CDH18: variants seen among roughly 807,000 people sequenced by gnomAD.
CDH18 encodes cadherin-18.
A neutral mutation model predicts 67.9 loss-of-function variants in CDH18; 31 were observed. The observed-to-expected ratio is 0.46, with a 90% confidence interval of 0.34 to 0.62. The LOEUF is 0.62. Among genes scored for constraint, CDH18 ranks in the 20% least tolerant of loss-of-function variants. The pLI, the probability that CDH18 is intolerant of heterozygous loss-of-function variation, is 0.01. For synonymous variants in CDH18, 362 were observed against 347.2 expected (o/e 1.04, Z -0.48); for missense variants, 890 against 975.5 (o/e 0.91, Z 1.17).
chr5:20,398,033 T>G (rs1745424789), intron 1 of CDH18, among the ~76,000 whole-genome samples: 1 of 152,186 alleles, frequency 6.6e-6, no homozygotes, highest in Non-Finnish European at 1.5e-5. Flanking sequence ...ATTTTAGCTG[T>G]TCAATTGACT....
Position 20,559,182 on chromosome 5 carries a change from G to T in CDH18, c.-580+16280C>A, listed in dbSNP as rs1002013954. 2.0e-5 allele frequency among the ~76,000 whole-genome samples: 3 copies of T among 151,886 alleles called. No individual in the cohort carries two copies. The Admixed American group carries it at 2.0e-4, about 10-fold the overall frequency. On this transcript the variant is annotated intron_variant, in intron 1 of 14. Transcript: ENST00000507958. Reference sequence around the variant, plus strand: ...AAAATTAAGATTTTCATGACAAGTAGATTTTCAAGGAGAAAAACCATAAAA... The same window carrying T: ...AAAATTAAGATTTTCATGACAAGTATATTTTCAAGGAGAAAAACCATAAAA...
chr5:19,900,900 C>T (rs191959698), intron 2 of CDH18, among the ~76,000 whole-genome samples: 9 of 152,122 alleles, frequency 5.9e-5, no homozygotes, highest in Admixed American at 2.6e-4. Flanking sequence ...TCAGTAAAGA[C>T]GAGCCTTCCA....
chr5:20,569,867 A>C (rs1758711829), intron 1 of CDH18, among the ~76,000 whole-genome samples: 1 of 152,226 alleles, frequency 6.6e-6, no homozygotes, highest in African/African-American at 2.4e-5. Context: ...ATGAGCCCTC[A>C]AACCATAAAA....
chr5:20,045,316 G>A (rs1740806082), intron 2 of CDH18, among the ~76,000 whole-genome samples: 1 of 152,122 alleles, frequency 6.6e-6, no homozygotes, highest in Non-Finnish European at 1.5e-5. Flanking sequence ...GAGTGTTTCA[G>A]TGCTTTTCAA....
At chr5:19,844,177 G>C (rs1054586701) in intron 2 of CDH18, among the ~76,000 whole-genome samples, 1 of 152,108 alleles carries the variant, frequency 6.6e-6, no homozygotes, top group Non-Finnish European at 1.5e-5. Flanking sequence ...ATGTGAAAAA[G>C]ACAAGATTTG....
intron 2 of CDH18, among the ~76,000 whole-genome samples, chr5:20,002,663 A>G (rs1376414468): frequency 6.6e-6 from 1 of 152,220 alleles, no homozygotes; most frequent in Admixed American, 6.5e-5. Flanking sequence ...AAGGATGAGA[A>G]CACATTACAA....
At chr5:20,443,342 A>G (rs923614654) in intron 1 of CDH18, among the ~76,000 whole-genome samples, 2 of 151,768 alleles carry the variant, frequency 1.3e-5, no homozygotes, top group Non-Finnish European at 2.9e-5. Context: ...TGGTAAAACT[A>G]TGTTTGGTAT....
At chr5:19,561,627 A>G (rs1238654977) in intron 8 of CDH18, among the ~76,000 whole-genome samples, 2 of 152,122 alleles carry the variant, frequency 1.3e-5, no homozygotes, top group Non-Finnish European at 2.9e-5. Context: ...GTAACCAAAC[A>G]TCACTTGTTC....
At chr5:19,486,538 T>A (rs1740430960) in intron 11 of CDH18, among the ~76,000 whole-genome samples, 1 of 152,108 alleles carries the variant, frequency 6.6e-6, no homozygotes, top group African/African-American at 2.4e-5. Context: ...ACACCTGTAA[T>A]CCCAACGCTT....
intron 8 of CDH18, among the ~76,000 whole-genome samples, chr5:19,553,831 G>T (rs1737899098): frequency 6.6e-6 from 1 of 151,648 alleles, no homozygotes; most frequent in Admixed American, 6.6e-5. Context: ...ACAGTGTTTT[G>T]TCATGTTGCC....
At chr5:20,331,158 CT>C (rs1414685728) in intron 1 of CDH18, among the ~76,000 whole-genome samples, 1 of 152,194 alleles carries the variant, frequency 6.6e-6, no homozygotes, top group Non-Finnish European at 1.5e-5. Flanking sequence ...TCTATGTTTT[CT>C]TTAACCTCTG....
At chr5:20,533,624 T>C (rs1054446333) in intron 1 of CDH18, among the ~76,000 whole-genome samples, 1 of 152,138 alleles carries the variant, frequency 6.6e-6, no homozygotes, top group Non-Finnish European at 1.5e-5. Context: ...TGTTTCTGTT[T>C]ATAAAGCCTA....
chr5:19,755,451 A>ATATATATATATATATG (rs1771447180), intron 3 of CDH18, among the ~76,000 whole-genome samples: 1 of 9,716 alleles, frequency 1.0e-4, no homozygotes, highest in Non-Finnish European at 1.2e-3. Context: ...ATATATATAT[A>ATATATATATATATATG]TATATATACA....
rs546256800 is a variant in CDH18 at position 20,218,245 on chromosome 5, C to T, written c.-518+37199G>A. On this transcript the variant is annotated intron_variant, in intron 2 of 14. Coordinates refer to the CDH18 transcript ENST00000507958. ...TTCTCCTAGGCACATGGATGACACTCAAGAACAGACCATTTGCTAGGCCAC... is the reference window on the plus strand; with the variant it reads ...TTCTCCTAGGCACATGGATGACACTTAAGAACAGACCATTTGCTAGGCCAC... Among the ~76,000 whole-genome samples, 19 of 151,910 alleles carry T rather than the reference C, an allele frequency of 1.3e-4. 1 individual carries two copies. The highest frequency in any genetic ancestry group is 1.1e-3 in the Admixed American group (17 of 15,182).
chr5:20,102,439 C>A (rs141785307), intron 2 of CDH18, among the ~76,000 whole-genome samples: 5 of 152,032 alleles, frequency 3.3e-5, no homozygotes, highest in Non-Finnish European at 5.9e-5. Flanking sequence ...GGCTCATTAC[C>A]GGCTGGGGTT....
At chr5:19,559,915 C>CAAAAAAAAAAAAAAAAAAAA (rs754748614) in intron 8 of CDH18, among the ~76,000 whole-genome samples, 2 of 131,942 alleles carry the variant, frequency 1.5e-5, no homozygotes, top group African/African-American at 3.0e-5. Context: ...ATAATAGTTG[C>CAAAAAAAAAAAAAAAAAAAA]AAAAACAAAC....
intron 1 of CDH18, among the ~76,000 whole-genome samples, chr5:20,349,261 T>C (rs1036865728): frequency 1.3e-5 from 2 of 152,106 alleles, no homozygotes; most frequent in African/African-American, 4.8e-5. Context: ...CAGTAGTACT[T>C]TGGAGATATA....
intron 5 of CDH18, among the ~76,000 whole-genome samples, chr5:19,686,113 ATAT>A (rs1393465884): frequency 2.6e-5 from 4 of 152,160 alleles, no homozygotes; most frequent in Non-Finnish European, 5.9e-5. Context: ...TATGTATTTG[ATAT>A]TATTGTTAGT....
chr5:20,142,702 G>A (rs1420940559), intron 2 of CDH18, among the ~76,000 whole-genome samples: 1 of 152,106 alleles, frequency 6.6e-6, no homozygotes, highest in Non-Finnish European at 1.5e-5. Context: ...AAAAGGCAGT[G>A]ACGGGGTGAC....
Sources: gnomAD v4.1 joint callset for allele counts (sites outside exome capture counted in the v4.1 genomes callset) on GRCh38, gnomAD v4.1.1 for gene constraint, MANE v1.5 for transcripts, NCBI Gene and HGNC (gene_info 2026-07-23, HGNC 2026-07-21) for gene names.